The following DNAAF1 variants were observed in gnomAD, a reference collection of about 807,000 sequenced individuals.
DNAAF1 encodes the protein dynein axonemal assembly factor 1.
A neutral mutation model predicts 71.1 loss-of-function variants in DNAAF1; 65 were observed. The ratio of observed to expected loss-of-function variants is 0.91; its 90% CI spans 0.75 to 1.12. The LOEUF is 1.12. Among genes scored for constraint, DNAAF1 ranks in the 50% most tolerant of loss-of-function variants. DNAAF1 has a pLI of 0.00. For missense variants in DNAAF1, 1,178 were observed against 899.8 expected (o/e 1.31, Z -3.96); for synonymous variants, 414 against 354.6 (o/e 1.17, Z -1.88).
In DNAAF1 at chr16:84,174,862, T is replaced by C. The variant is rs1277273074; in HGVS notation, c.1698+140T>C. The C allele has an allele frequency of 2.5e-5, 29 of 1,162,076 alleles. No individual in the cohort carries two copies. In the Admixed American group the frequency reaches 5.4e-4, roughly 22 times the overall value. The allele number at this position is 1,162,076 out of a possible 1,614,324, so 72.0% of individuals were successfully genotyped here. ...TGAATTCCCCCATATTCTTTTTCTT[T>C]TCTTTTCTTTTCAGGCAGAGTCTGG... On this transcript the variant is annotated intron_variant, in intron 10 of 11. Coordinates refer to ENST00000378553, the MANE Select transcript of DNAAF1 (RefSeq NM_178452.6).
Position 84,177,770 on chromosome 16 carries a change from G to A in DNAAF1, c.2107G>A (p.Gly703Arg), listed in dbSNP as rs4150188. The change falls in exon 12 of 12, where the codon GGA (glycine) becomes AGA (arginine). Residue 703 changes from glycine to arginine, a missense_variant. Gly to Arg is a moderately radical substitution (Grantham distance 125). Coordinates refer to ENST00000378553, the MANE Select transcript of DNAAF1 (RefSeq NM_178452.6). ...CGCCACACCCCCAGAGACGTGTGTC[G>A]GAGTTGCCCAGCCCAGCCAAGCTCT... ...SAATPPETCV[G>R]VAQPSQALPT... is the part of the protein sequence containing the mutation. 1.7e-3 allele frequency: 2,807 copies of A among 1,614,026 alleles called. 64 individuals carry two copies. In the South Asian group the frequency reaches 0.027, roughly 16 times the overall value.
At chr16:84,172,193 C>A in intron 8 of DNAAF1, 67 bp from the exon 9 acceptor site, 1 of 1,484,812 alleles carries the variant, frequency 6.7e-7, no homozygotes, top group Non-Finnish European at 9.3e-7. Flanking sequence ...AGCCCATCTT[C>A]ACCGTAGGCT....
chr16:84,151,348 G>C (rs1283107944), intron 3 of DNAAF1, among the ~76,000 whole-genome samples: 2 of 152,114 alleles, frequency 1.3e-5, no homozygotes, highest in Non-Finnish European at 2.9e-5. Context: ...CGCCCAAAGG[G>C]ATCCAGGAGC....
chr16:84,166,113 G>T (rs2087973308), intron 7 of DNAAF1, 164 bp downstream of exon 7: 2 of 963,002 alleles, frequency 2.1e-6, no homozygotes, highest in South Asian at 1.5e-5. Flanking sequence ...GAGTGCAGCA[G>T]TGTGATCTTG....
intron 5 of DNAAF1, 33 bp from the exon 6 acceptor site, chr16:84,159,642 G>C (rs951008865): frequency 1.1e-5 from 17 of 1,589,582 alleles, no homozygotes; most frequent in Non-Finnish European, 1.5e-5. Context: ...GCATCTTTCA[G>C]TAATCATTTT....
chr16:84,146,586 G>C (rs758640340), intron 1 of DNAAF1, among the ~76,000 whole-genome samples: 2 of 152,110 alleles, frequency 1.3e-5, no homozygotes, highest in Admixed American at 6.5e-5. Flanking sequence ...GCGTGGTGAC[G>C]TGCTCCTGTA....
At chr16:84,145,991 G>A (rs1046227403) in intron 1 of DNAAF1, among the ~76,000 whole-genome samples, 2 of 152,138 alleles carry the variant, frequency 1.3e-5, no homozygotes, top group African/African-American at 4.8e-5. Context: ...CAGCTACTTG[G>A]GAGGCTGAGG....
intron 6 of DNAAF1, among the ~76,000 whole-genome samples, chr16:84,161,852 C>A (rs1435220743): frequency 6.6e-6 from 1 of 152,084 alleles, no homozygotes; most frequent in Non-Finnish European, 1.5e-5. Context: ...CCTTTTAGGA[C>A]ACATGAGTCT....
rs867096947 is a variant in DNAAF1, at chr16:84,159,727, G to A, written c.794G>A (p.Arg265Lys). The change falls in exon 6 of 12, where the codon AGA becomes AAA. Residue 265 changes from arginine to lysine, a missense_variant. Transcript: ENST00000378553. ...NPVIRQIPNY[R>K]RTVTVRLKHL... ...GTTATCAGACAGATTCCTAATTACAGAAGGACAGTCACTGTACGACTAAAG... is the reference window on the plus strand; with the variant it reads ...GTTATCAGACAGATTCCTAATTACAAAAGGACAGTCACTGTACGACTAAAG... 6.2e-7 allele frequency: 1 copy of A among 1,614,030 alleles called. No homozygotes were observed. Among genetic ancestry groups the A allele is most frequent in the Middle Eastern group, 1.7e-4 (1 of 6,060 alleles).
rs543506666 is a variant in DNAAF1 at position 84,145,419 on chromosome 16, G to T, written c.-22G>T. ...CCTGGGCCCCCCAAAGCTGCGGGGC[G>T]TTCGGTGTCGCCGAAGTAAACATGC... is the stretch of plus-strand genomic sequence containing the variant. On this transcript the variant is annotated 5_prime_UTR_variant, in exon 1 of 12. Coordinates refer to ENST00000378553, the MANE Select transcript of DNAAF1 (RefSeq NM_178452.6). The T allele has an allele frequency of 1.9e-6, 3 of 1,574,482 alleles. No individual in the cohort carries two copies. The highest frequency in any genetic ancestry group is 2.6e-6 in the Non-Finnish European group (3 of 1,160,338).
intron 3 of DNAAF1, among the ~76,000 whole-genome samples, chr16:84,150,827 T>C (rs1189558852): frequency 3.9e-5 from 6 of 152,186 alleles, no homozygotes; most frequent in Non-Finnish European, 8.8e-5. Flanking sequence ...TTGGCCATTC[T>C]GGTCTCAAAC....
At chr16:84,170,796 C>T (rs563312355) in intron 8 of DNAAF1, among the ~76,000 whole-genome samples, 3 of 152,196 alleles carry the variant, frequency 2.0e-5, no homozygotes, top group African/African-American at 7.2e-5. Flanking sequence ...TGTGCCACTG[C>T]ACTCCAGCCT....
intron 5 of DNAAF1, among the ~76,000 whole-genome samples, chr16:84,157,510 C>CA (rs59707812): frequency 0.018 from 1,450 of 82,142 alleles, 10 homozygotes; most frequent in Non-Finnish European, 0.02. Flanking sequence ...GACACTGTGT[C>CA]AAAAAAAAAA....
intron 5 of DNAAF1, among the ~76,000 whole-genome samples, chr16:84,158,159 C>T (rs970970195): frequency 1.3e-5 from 2 of 152,104 alleles, no homozygotes; most frequent in African/African-American, 4.8e-5. Context: ...GACCCGAGAT[C>T]GCGCCACTAC....
intron 1 of DNAAF1, 132 bp from the exon 2 acceptor site, chr16:84,148,875 C>G (rs573742521): frequency 5.1e-5 from 54 of 1,058,488 alleles, no homozygotes; most frequent in Non-Finnish European, 6.7e-5. Flanking sequence ...CAGGCCTGAG[C>G]CACCATACCC....
At chr16:84,150,396 C>A (rs554308051) in intron 3 of DNAAF1, 54 bp downstream of exon 3, 2 of 1,413,564 alleles carry the variant, frequency 1.4e-6, no homozygotes, top group South Asian at 1.2e-5. Flanking sequence ...TTCTGTCTAG[C>A]GGTATAAAAA....
intron 11 of DNAAF1, chr16:84,176,530 T>C (rs1017117213): frequency 1.9e-5 from 12 of 639,716 alleles, no homozygotes; most frequent in African/African-American, 5.4e-5. Flanking sequence ...AGCCTCCTCT[T>C]GGGCAGCCGA....
At chr16:84,167,509 C>T (rs1240134944) in intron 7 of DNAAF1, among the ~76,000 whole-genome samples, 3 of 152,234 alleles carry the variant, frequency 2.0e-5, no homozygotes, top group East Asian at 1.9e-4. Context: ...CCCCAAGAGC[C>T]GCCCCATTCG....
Position 84,170,365 on chromosome 16 carries a change from A to G in DNAAF1, c.1528+9A>G. On this transcript the variant is annotated intron_variant, in intron 8 of 11. Coordinates refer to ENST00000378553, the MANE Select transcript of DNAAF1 (RefSeq NM_178452.6). ...GGGAGCTGCCAGGGAAGGTAATGTG[A>G]GCGGAGAAACACACACAGACACACA... 6.2e-7 allele frequency: 1 copy of G among 1,613,646 alleles called. No homozygotes were observed. Among genetic ancestry groups the G allele is most frequent in the Non-Finnish European group, 8.5e-7 (1 of 1,180,026 alleles).
Sources: allele counts gnomAD v4.1 joint callset (sites outside exome capture counted in the v4.1 genomes callset), GRCh38; gene constraint gnomAD v4.1.1; transcripts MANE v1.5; gene names NCBI Gene and HGNC (gene_info 2026-07-23, HGNC 2026-07-21).